ERAP1: variants seen among roughly 807,000 people sequenced by gnomAD.
The protein encoded by ERAP1 is endoplasmic reticulum aminopeptidase 1, also known as adipocyte-derived leucine aminopeptidase.
ERAP1 carries 86 observed loss-of-function variants against 103.7 expected under a neutral mutation model. The ratio of observed to expected loss-of-function variants is 0.83; its 90% confidence interval spans 0.70 to 0.99. The LOEUF is 0.99. Among genes scored for constraint, ERAP1 ranks in the 50% least tolerant of loss-of-function variants. The pLI is 0.00. For missense variants in ERAP1, 1,009 were observed against 1,128.4 expected (o/e 0.89, Z 1.52); for synonymous variants, 398 against 402.4 (o/e 0.99, Z 0.13).
At chr5:96,883,942 T>C in the ERAP1 span, 1 of 1,556,664 alleles carries the variant, frequency 6.4e-7, no homozygotes, top group Non-Finnish European at 8.7e-7. Flanking sequence ...TATGTCCACT[T>C]CCAGAAACTT....
At chr5:96,916,022 A>G in the ERAP1 span, among the ~76,000 whole-genome samples, 4 of 152,248 alleles carry the variant, frequency 2.6e-5, no homozygotes, top group African/African-American at 9.6e-5. Context: ...GGAGTTCGAG[A>G]CCAGCCTGGC....
intron 4 of ERAP1, among the ~76,000 whole-genome samples, chr5:96,796,921 TAGC>T (rs1455992455): frequency 6.6e-6 from 1 of 152,168 alleles, no homozygotes; most frequent in African/African-American, 2.4e-5. Flanking sequence ...CTAGGACTAG[TAGC>T]AGGCACAAGG....
At chr5:96,895,417 T>C in the ERAP1 span, 30 of 1,213,924 alleles carry the variant, frequency 2.5e-5, no homozygotes, top group African/African-American at 6.1e-5. Context: ...CAATTCACTA[T>C]TAAAATTTCA....
chr5:96,826,115 G>A, the ERAP1 span, among the ~76,000 whole-genome samples: 1 of 152,190 alleles, frequency 6.6e-6, no homozygotes. Context: ...GTTACTGGCT[G>A]GCCAGAGATT....
At chr5:96,818,063 A>T in the ERAP1 span, among the ~76,000 whole-genome samples, 24 of 152,238 alleles carry the variant, frequency 1.6e-4, no homozygotes, top group African/African-American at 5.1e-4. Flanking sequence ...GGAAGCCTCA[A>T]GTAATATTGA....
chr5:96,809,914 T>G (rs1779052725), upstream of ERAP1, among the ~76,000 whole-genome samples: 1 of 152,216 alleles, frequency 6.6e-6, no homozygotes, highest in Non-Finnish European at 1.5e-5. Flanking sequence ...TATGTGTCTT[T>G]TTAAATACAT....
the ERAP1 span, among the ~76,000 whole-genome samples, chr5:96,838,738 A>T: frequency 6.6e-6 from 1 of 152,208 alleles, no homozygotes; most frequent in African/African-American, 2.4e-5. Context: ...GGCCTCACAG[A>T]GGAAGTGACA....
At chr5:96,843,098 A>G in the ERAP1 span, among the ~76,000 whole-genome samples, 1 of 152,238 alleles carries the variant, frequency 6.6e-6, no homozygotes, top group Non-Finnish European at 1.5e-5. Context: ...CAAAACACAC[A>G]AACAAAGCAA....
At chr5:96,914,102 G>A in the ERAP1 span, among the ~76,000 whole-genome samples, 1 of 150,810 alleles carries the variant, frequency 6.6e-6, no homozygotes, top group Non-Finnish European at 1.5e-5. Context: ...TTGTTGGAAT[G>A]GAATGTATAA....
the ERAP1 span, chr5:96,909,811 T>A: frequency 6.3e-7 from 1 of 1,581,604 alleles, no homozygotes; most frequent in Non-Finnish European, 8.6e-7. Context: ...CTCTTTGATG[T>A]AAAAGTCTTT....
chr5:96,912,795 T>C, the ERAP1 span: 2 of 1,592,504 alleles, frequency 1.3e-6, no homozygotes, highest in African/African-American at 2.7e-5. Flanking sequence ...GAAAAGTTAC[T>C]GAAGTAAGTT....
chr5:96,838,505 A>C, the ERAP1 span, among the ~76,000 whole-genome samples: 1 of 152,230 alleles, frequency 6.6e-6, no homozygotes, highest in Non-Finnish European at 1.5e-5. Flanking sequence ...GCATATAGAT[A>C]GTGATATAAT....
chr5:96,913,399 A>G, the ERAP1 span: 1 of 1,614,158 alleles, frequency 6.2e-7, no homozygotes, highest in East Asian at 2.2e-5. Context: ...CAGACGTCCA[A>G]AGGGGCAGCA....
intron 15 of ERAP1, among the ~76,000 whole-genome samples, chr5:96,782,786 T>C (rs1775404777): frequency 6.6e-6 from 1 of 152,210 alleles, no homozygotes; most frequent in African/African-American, 2.4e-5. Flanking sequence ...TTTAATAAGA[T>C]TTTGCATTGC....
the ERAP1 span, among the ~76,000 whole-genome samples, chr5:96,853,758 G>A: frequency 1.3e-5 from 2 of 151,146 alleles, no homozygotes; most frequent in Non-Finnish European, 2.9e-5. Context: ...ACTTCATGTA[G>A]TATTTTAAAT....
At chr5:96,903,688 A>T in the ERAP1 span, 1 of 804,434 alleles carries the variant, frequency 1.2e-6, no homozygotes, top group East Asian at 2.7e-5. Flanking sequence ...TCAAACAGTG[A>T]TCACTAGGCC....
chr5:96,896,807 A>C, the ERAP1 span: 36 of 1,605,732 alleles, frequency 2.2e-5, no homozygotes, highest in Middle Eastern at 1.7e-4. Context: ...TCAGTACTTA[A>C]AGAAGTTCAG....
rs1324316131 is a variant in ERAP1 at position 96,765,131 on chromosome 5, T to G, written c.2819-1903A>C. ...GTCTTTTTCTTCCAAGGAAACAGGT[T>G]CCCTCCTGAAAAGATGGAGTTCCTG... is the stretch of plus-strand genomic sequence containing the variant. On this transcript the variant is annotated intron_variant, in intron 19 of 19. Coordinates refer to the ERAP1 transcript ENST00000296754. The G allele has an allele frequency of 1.6e-5, 12 of 752,934 alleles. No individual in the cohort carries two copies. In the East Asian group the frequency reaches 3.0e-4, roughly 19 times the overall value. 46.6% of individuals were successfully genotyped at this position (752,934 alleles called of 1,614,324 possible).
the ERAP1 span, among the ~76,000 whole-genome samples, chr5:96,907,907 G>T: frequency 6.6e-6 from 1 of 151,744 alleles, no homozygotes; most frequent in Non-Finnish European, 1.5e-5. Context: ...ATATATATAT[G>T]GCAGACCACA....
Sources: gnomAD v4.1 joint callset for allele counts (sites outside exome capture counted in the v4.1 genomes callset) on GRCh38, gnomAD v4.1.1 for gene constraint, MANE v1.5 for transcripts, NCBI Gene and HGNC (gene_info 2026-07-23, HGNC 2026-07-21) for gene names.